Variants in RBPMS observed in about 807,000 individuals in gnomAD.
RBPMS encodes RNA binding protein, mRNA processing factor, also known as RNA-binding protein with multiple splicing.
Under a neutral mutation model 26.8 loss-of-function variants are expected in RBPMS, and 7 were observed. That is an observed-to-expected ratio of 0.26 (90% CI 0.15 to 0.49). The LOEUF (loss-of-function observed/expected upper bound fraction) is 0.49. Among genes scored for constraint, RBPMS ranks in the 20% least tolerant of loss-of-function variants. RBPMS has a pLI of 0.98. For synonymous variants in RBPMS, 96 were observed against 93.3 expected, an observed-to-expected ratio of 1.03 and a Z score of -0.17; for missense variants, 186 against 250.0, an observed-to-expected ratio of 0.74 and a Z score of 1.73.
chr8:30,544,535 G>A lies in RBPMS; in HGVS notation c.439G>A (p.Val147Met). 1.2e-6 allele frequency: 2 copies of A among 1,614,200 alleles called. No homozygotes were observed. The highest frequency in any genetic ancestry group is 1.7e-6 in the Non-Finnish European group (2 of 1,180,042). Residue 147 changes from valine (V) to methionine (M), a missense_variant, in exon 6 of 9, where the codon GTG (valine) becomes ATG (methionine). Physicochemically the swap from Val to Met is conservative, Grantham distance 21. This residue lies in a region of RBPMS where 98 missense variants were observed against 113.6 expected (regional missense o/e 0.86). Coordinates refer to ENST00000397323, the MANE Select transcript of RBPMS (RefSeq NM_001008710.3). Reference sequence around the variant, plus strand: ...TGCACTTTACCCCAGTAGCCCTGAAGTGTGGGCCCCGTACCCTCTGTACCC... The same window carrying A: ...TGCACTTTACCCCAGTAGCCCTGAAATGTGGGCCCCGTACCCTCTGTACCC... ...VPALYPSSPE[V>M]WAPYPLYPAE... is the part of the protein sequence containing the mutation.
intron 5 of RBPMS, among the ~76,000 whole-genome samples, chr8:30,530,623 C>A (rs1177420267): frequency 6.6e-6 from 1 of 152,022 alleles, no homozygotes. Flanking sequence ...CCACCACACC[C>A]AGCTAATTTT....
chr8:30,495,231 A>C (rs777143511), intron 4 of RBPMS, among the ~76,000 whole-genome samples: 3 of 152,198 alleles, frequency 2.0e-5, no homozygotes, highest in Non-Finnish European at 4.4e-5. Context: ...AAAGAGGATA[A>C]AATTTTATTG....
At chr8:30,568,773 A>G (rs1828066579) in intron 8 of RBPMS, among the ~76,000 whole-genome samples, 1 of 152,102 alleles carries the variant, frequency 6.6e-6, no homozygotes, top group South Asian at 2.1e-4. Flanking sequence ...AGACATTCCA[A>G]GGTTTGAACT....
intron 1 of RBPMS, chr8:30,446,833 GTGTGTGTGT>G (rs1429203554): frequency 3.0e-4 from 30 of 101,348 alleles, no homozygotes; most frequent in African/African-American, 1.3e-3. Flanking sequence ...GTGTGTGTGT[GTGTGTGTGT>G]GCGCGCGCGC....
intron 4 of RBPMS, among the ~76,000 whole-genome samples, chr8:30,492,002 C>G (rs996698643): frequency 6.6e-6 from 1 of 152,120 alleles, no homozygotes; most frequent in Admixed American, 6.5e-5. Context: ...GGCAATTCTT[C>G]TGCCTCAGCC....
At chr8:30,540,859 G>C (rs1266797831) in intron 5 of RBPMS, among the ~76,000 whole-genome samples, 1 of 152,168 alleles carries the variant, frequency 6.6e-6, no homozygotes, top group African/African-American at 2.4e-5. Flanking sequence ...CCAGGACCTT[G>C]ATGAAAGAAT....
At chr8:30,385,398 T>A (rs1563272924) in intron 1 of RBPMS, 1 of 375,180 alleles carries the variant, frequency 2.7e-6, no homozygotes, top group Non-Finnish European at 4.7e-6. Context: ...TTTGTAAGTA[T>A]AATGCTCAGC....
chr8:30,510,063 G>C (rs1229040367), intron 5 of RBPMS, among the ~76,000 whole-genome samples: 2 of 152,170 alleles, frequency 1.3e-5, no homozygotes, highest in Non-Finnish European at 2.9e-5. Context: ...CTGCAAGTGA[G>C]ACTAAGTGGC....
intron 1 of RBPMS, among the ~76,000 whole-genome samples, chr8:30,429,732 A>G (rs1259096923): frequency 6.6e-6 from 1 of 152,210 alleles, no homozygotes; most frequent in African/African-American, 2.4e-5. Flanking sequence ...ATAGCAGCCC[A>G]ATAAATTGTG....
Position 30,457,869 on chromosome 8 carries a change from C to G in RBPMS, c.67-16910C>G, listed in dbSNP as rs531333708. On this transcript the variant is annotated intron_variant, in intron 1 of 8. Coordinates refer to ENST00000397323, the MANE Select transcript of RBPMS (RefSeq NM_001008710.3). ...GGGATTACAGGCGTGAGCCACCGCC[C>G]TAGCCTTGATTTATATTCTTTAAGT... Among the ~76,000 whole-genome samples the G allele has an allele frequency of 1.8e-4, 28 of 152,282 alleles. No individual in the cohort carries two copies. The East Asian group carries it at 4.2e-3, about 23-fold the overall frequency.
intron 8 of RBPMS, among the ~76,000 whole-genome samples, chr8:30,569,022 G>GC (rs930472636): frequency 1.3e-5 from 2 of 151,762 alleles, no homozygotes; most frequent in African/African-American, 4.9e-5. Flanking sequence ...CTGCTCAGGG[G>GC]CTGGGGCATT....
intron 1 of RBPMS, among the ~76,000 whole-genome samples, chr8:30,473,745 C>G (rs1313219825): frequency 2.0e-5 from 3 of 152,034 alleles, no homozygotes; most frequent in Non-Finnish European, 4.4e-5. Context: ...ACATATACAC[C>G]ATGGAATACT....
chr8:30,430,439 CTG>C (rs1054664599), intron 1 of RBPMS, among the ~76,000 whole-genome samples: 1 of 152,200 alleles, frequency 6.6e-6, no homozygotes, highest in African/African-American at 2.4e-5. Context: ...TATTCCTACA[CTG>C]TATTTTTTGG....
chr8:30,417,806 T>A (rs934222802), intron 1 of RBPMS, among the ~76,000 whole-genome samples: 3 of 152,264 alleles, frequency 2.0e-5, no homozygotes, highest in Admixed American at 1.3e-4. Flanking sequence ...AGTGTTTCAA[T>A]GTATGGATGT....
At chr8:30,556,641 C>G in intron 6 of RBPMS, 1 of 986,204 alleles carries the variant, frequency 1.0e-6, no homozygotes, top group Non-Finnish European at 1.2e-6. Flanking sequence ...ACCCATCACC[C>G]TCTACTGTGT....
At chr8:30,503,275 G>C (rs570075431) in intron 4 of RBPMS, among the ~76,000 whole-genome samples, 8 of 152,238 alleles carry the variant, frequency 5.3e-5, no homozygotes, top group Non-Finnish European at 8.8e-5. Context: ...TTTTGAGACA[G>C]AGTCTAGCTC....
Position 30,409,923 on chromosome 8 carries a change from A to G in RBPMS, c.66+24765A>G, listed in dbSNP as rs373836520. ...TGGGATTATAGGCGTGAGCCACCGC[A>G]CCCAGCCTTACTTATATTCTTTTAT... On this transcript the variant is annotated intron_variant, in intron 1 of 8. Transcript: ENST00000397323. Among the ~76,000 whole-genome samples the G allele has an allele frequency of 1.5e-3, 229 of 151,998 alleles. 1 individual carries two copies. The highest frequency in any genetic ancestry group is 4.3e-3 in the African/African-American group (178 of 41,452).
intron 8 of RBPMS, among the ~76,000 whole-genome samples, chr8:30,567,399 G>T (rs1827973494): frequency 6.6e-6 from 1 of 152,156 alleles, no homozygotes; most frequent in Middle Eastern, 3.2e-3. Context: ...ATTTTTCCCA[G>T]GGTGCCTGTT....
chr8:30,561,714 A>G (rs553395362), intron 7 of RBPMS, among the ~76,000 whole-genome samples: 4 of 152,272 alleles, frequency 2.6e-5, no homozygotes, highest in South Asian at 2.1e-4. Context: ...ATGCTTCAGG[A>G]AAGTCAAGCA....
Sources: gnomAD v4.1 joint callset for allele counts (sites outside exome capture counted in the v4.1 genomes callset) on GRCh38, gnomAD v4.1.1 for gene constraint, gnomAD v4.1.1 regional missense constraint, MANE v1.5 for transcripts, NCBI Gene and HGNC (gene_info 2026-07-23, HGNC 2026-07-21) for gene names.